NMBR: variants seen among roughly 807,000 people sequenced by gnomAD.
The protein encoded by NMBR is neuromedin-B receptor.
In NMBR, 16 loss-of-function variants were observed where a neutral mutation model predicts 20.5. The ratio of observed to expected loss-of-function variants is 0.78; its 90% CI spans 0.53 to 1.19. NMBR has a LOEUF of 1.19. Ranked by LOEUF, NMBR falls within the 50% of genes most tolerant of loss-of-function variation. The pLI is 0.00. For synonymous variants in NMBR, 212 were observed against 196.6 expected (o/e 1.08, Z -0.65); for missense variants, 582 against 499.1 (o/e 1.17, Z -1.58).
At chr6:142,079,068 GAA>G (rs1777028480) in intron 2 of NMBR, among the ~76,000 whole-genome samples, 165 bp from the exon 3 acceptor site, 1 of 133,588 alleles carries the variant, frequency 7.5e-6, no homozygotes, top group Admixed American at 8.0e-5. Flanking sequence ...AAGAGAGAGA[GAA>G]AGAGAGAAAG....
At chr6:142,079,094 AAG>A (rs1181099175) in intron 2 of NMBR, among the ~76,000 whole-genome samples, 191 bp from the exon 3 acceptor site, 851 of 48,892 alleles carry the variant, frequency 0.017, 11 homozygotes, top group African/African-American at 0.079. Flanking sequence ...GAAAGAGAGA[AAG>A]AGAGAGAGAG....
intron 1 of NMBR, among the ~76,000 whole-genome samples, chr6:142,129,168 CACCAAGAATGTCT>C (rs1778095636): frequency 1.3e-5 from 2 of 151,790 alleles, no homozygotes; most frequent in South Asian, 4.2e-4. Flanking sequence ...AGTTTTAGGA[CACCAAGAATGTCT>C]ACCAAAAGAT....
chr6:142,124,941 G>A (rs543843649), intron 1 of NMBR, among the ~76,000 whole-genome samples: 1 of 151,836 alleles, frequency 6.6e-6, no homozygotes, highest in African/African-American at 2.4e-5. Flanking sequence ...ACCCCAGAAG[G>A]TTAAATCATT....
At chr6:142,097,155 G>C (rs572127122) in intron 1 of NMBR, among the ~76,000 whole-genome samples, 2 of 152,136 alleles carry the variant, frequency 1.3e-5, no homozygotes, top group African/African-American at 4.8e-5. Flanking sequence ...TTTAATTGGA[G>C]CATTTAGCCC....
intron 3 of NMBR, among the ~76,000 whole-genome samples, chr6:142,077,523 C>A (rs1776974026): frequency 6.6e-6 from 1 of 152,160 alleles, no homozygotes. Context: ...TAGAGAAAGT[C>A]TATGAATTAA....
At chr6:142,119,502 T>G (rs1777908300) in intron 1 of NMBR, among the ~76,000 whole-genome samples, 1 of 151,940 alleles carries the variant, frequency 6.6e-6, no homozygotes, top group African/African-American at 2.4e-5. Context: ...GTGGCAGGGA[T>G]GTAAAGGTTT....
At chr6:142,135,694 G>A (rs554888995) in intron 1 of NMBR, among the ~76,000 whole-genome samples, 8 of 148,724 alleles carry the variant, frequency 5.4e-5, no homozygotes, top group Non-Finnish European at 1.2e-4. Flanking sequence ...CACTTCTTGT[G>A]TCCATGTGTT....
At chr6:142,134,418 G>C in intron 1 of NMBR, 7 of 444,742 alleles carry the variant, frequency 1.6e-5, no homozygotes, top group Non-Finnish European at 2.8e-5. Context: ...AGATTTTTAT[G>C]AAACTTGGAA....
At chr6:142,123,904 A>T (rs1777988570) in intron 1 of NMBR, among the ~76,000 whole-genome samples, 1 of 151,966 alleles carries the variant, frequency 6.6e-6, no homozygotes, top group Non-Finnish European at 1.5e-5. Context: ...ATATTTTTTT[A>T]AAAGCCATAA....
intron 1 of NMBR, among the ~76,000 whole-genome samples, chr6:142,111,156 C>G (rs1777756292): frequency 6.6e-6 from 1 of 151,836 alleles, no homozygotes; most frequent in Non-Finnish European, 1.5e-5. Flanking sequence ...AGGAGAATTG[C>G]TTGAACCTGG....
chr6:142,096,677 GTC>G (rs200177195), intron 1 of NMBR, among the ~76,000 whole-genome samples: 1,854 of 152,280 alleles, frequency 0.012, 27 homozygotes, highest in Admixed American at 0.02. Flanking sequence ...TTCTGTATAT[GTC>G]TATTAGGTCT....
chr6:142,134,944 T>G (rs1359481857), intron 1 of NMBR: 1 of 524,140 alleles, frequency 1.9e-6, no homozygotes, highest in African/African-American at 1.9e-5. Flanking sequence ...CCTATTGTCA[T>G]GCTGCAGTTA....
intron 1 of NMBR, among the ~76,000 whole-genome samples, chr6:142,112,107 G>A (rs559506069): frequency 2.0e-5 from 3 of 152,134 alleles, no homozygotes; most frequent in South Asian, 2.1e-4. Flanking sequence ...CGGGAGAATC[G>A]CTTGAGGCTG....
At chr6:142,113,084 C>T (rs1384076426) in intron 1 of NMBR, among the ~76,000 whole-genome samples, 1 of 151,560 alleles carries the variant, frequency 6.6e-6, no homozygotes, top group African/African-American at 2.4e-5. Flanking sequence ...TTTTTAAATG[C>T]TACAACTAAA....
At chr6:142,111,194 C>T (rs918858636) in intron 1 of NMBR, among the ~76,000 whole-genome samples, 4 of 151,494 alleles carry the variant, frequency 2.6e-5, no homozygotes, top group South Asian at 2.1e-4. Flanking sequence ...GAGCAGAGAT[C>T]GTGCCACTGC....
At chr6:142,098,163 A>C (rs909051670) in intron 1 of NMBR, among the ~76,000 whole-genome samples, 1 of 152,162 alleles carries the variant, frequency 6.6e-6, no homozygotes, top group African/African-American at 2.4e-5. Context: ...ATAGTTAATG[A>C]AAGCTAAACC....
intron 1 of NMBR, among the ~76,000 whole-genome samples, chr6:142,109,541 A>G (rs1777722544): frequency 1.5e-5 from 2 of 134,730 alleles, no homozygotes; most frequent in African/African-American, 5.8e-5. Context: ...GTGCAGTGGC[A>G]CGATCTCTGC....
intron 1 of NMBR, among the ~76,000 whole-genome samples, chr6:142,146,206 G>A (rs1356887436): frequency 6.6e-6 from 1 of 152,200 alleles, no homozygotes; most frequent in Non-Finnish European, 1.5e-5. Flanking sequence ...GGCAACGTAT[G>A]TGGAGTGGGA....
intron 1 of NMBR, among the ~76,000 whole-genome samples, chr6:142,136,878 A>G (rs1350334652): frequency 1.3e-5 from 2 of 152,300 alleles, no homozygotes; most frequent in Middle Eastern, 3.4e-3. Flanking sequence ...TACCAGTACC[A>G]TGCTGTTTTG....
Sources: allele counts gnomAD v4.1 joint callset (sites outside exome capture counted in the v4.1 genomes callset), GRCh38; gene constraint gnomAD v4.1.1; transcripts MANE v1.5; gene names NCBI Gene and HGNC (gene_info 2026-07-23, HGNC 2026-07-21).